INTS1: variants seen among roughly 807,000 people sequenced by gnomAD.
INTS1 encodes integrator complex subunit 1.
Under a neutral mutation model 241.6 loss-of-function variants are expected in INTS1, and 137 were observed. The ratio of observed to expected loss-of-function variants is 0.57; its 90% CI spans 0.49 to 0.65. The LOEUF (loss-of-function observed/expected upper bound fraction) is 0.65. Among genes scored for constraint, INTS1 ranks in the 30% least tolerant of loss-of-function variants. The pLI, the probability that INTS1 is intolerant of heterozygous loss-of-function variation, is 0.00. For missense variants in INTS1, 3,073 were observed against 3,032.2 expected (o/e 1.01, Z -0.32); for synonymous variants, 1,692 against 1,337.8 (o/e 1.26, Z -5.78).
chr7:1,495,306 G>C, intron 13 of INTS1, 127 bp downstream of exon 13: 2 of 1,162,228 alleles, frequency 1.7e-6, no homozygotes, highest in Non-Finnish European at 2.4e-6. Context: ...TGGGGTGTGG[G>C]GCAGGGGCTG....
At position 1,497,993 on chromosome 7, in the gene INTS1, C is replaced by T. The variant is rs540437382; in HGVS notation, c.1425+419G>A. On this transcript the variant is annotated intron_variant, in intron 10 of 47. Coordinates refer to ENST00000404767, the MANE Select transcript of INTS1 (RefSeq NM_001080453.3). The surrounding 1 kb of genome is among the most constrained non-coding windows in gnomAD (Gnocchi z 5.3). The stretch of plus-strand genomic sequence containing the variant: ...CTTTGGGAGGTTGAGGCAGGAGGAT[C>T]GCTTGAGCCCAGGAGTTTGAGACCA... 5.3e-5 allele frequency among the ~76,000 whole-genome samples: 8 copies of T among 152,348 alleles called. No homozygotes were observed. The highest frequency in any genetic ancestry group is 1.3e-4 in the Admixed American group (2 of 15,314).
At chr7:1,491,906 C>CA (rs1186567056) in intron 16 of INTS1, among the ~76,000 whole-genome samples, 3 of 152,170 alleles carry the variant, frequency 2.0e-5, no homozygotes, top group South Asian at 2.1e-4. Context: ...CCGTTCCCCA[C>CA]AAAAAACGGA....
rs534699030 is a variant in INTS1 at position 1,478,033 on chromosome 7, T to A, written c.4631-97A>T. On this transcript the variant is annotated intron_variant, in intron 33 of 47. Coordinates refer to ENST00000404767, the MANE Select transcript of INTS1 (RefSeq NM_001080453.3). ...GCCAGGGTGGGGTGTGGGGTGAGCA[T>A]GTGTGGGACACAAGAGCAGAGTCCA... 1.4e-4 allele frequency: 142 copies of A among 1,011,990 alleles called. 2 individuals are homozygous for A. The South Asian group carries it at 2.0e-3, about 14-fold the overall frequency. The allele number at this position is 1,011,990 out of a possible 1,614,324, so 62.7% of individuals were successfully genotyped here. A position where few individuals can be genotyped will look rare whatever the true frequency, so the allele number is the denominator to read the frequency against.
At chr7:1,485,545 G>A (rs773646429) in intron 22 of INTS1, 76 bp from the exon 23 acceptor site, 17 of 1,456,788 alleles carry the variant, frequency 1.2e-5, no homozygotes, top group African/African-American at 5.6e-5. Flanking sequence ...GGGAGCACAC[G>A]CATGGTGCCC....
In INTS1 at chr7:1,476,646, G is replaced by C. The variant is rs1471031717; in HGVS notation, c.5075C>G (p.Ser1692Cys). Residue 1692 changes from serine to cysteine, a missense_variant, in exon 37 of 48, where the codon TCT becomes TGT. Transcript: ENST00000404767. ...GGCCCAGAGGAAGTCCAGAGAGGCAGAGGGGTCGAACCTGTGGGGAGGCAA... is the reference window on the plus strand; with the variant it reads ...GGCCCAGAGGAAGTCCAGAGAGGCACAGGGGTCGAACCTGTGGGGAGGCAA... ...GKSREQRFDP[S>C]ASLDFLWACI... 6.2e-7 allele frequency: 1 copy of C among 1,612,720 alleles called. No individual in the cohort carries two copies. Among genetic ancestry groups the C allele is most frequent in the Admixed American group, 1.7e-5 (1 of 60,032 alleles).
At position 1,471,592 on chromosome 7, in the gene INTS1, G is replaced by A. The variant is rs766880476; in HGVS notation, c.6234C>T (p.Pro2078=). ...SDIDEMSRRR[P]EILSFFSTNL... ...TCACCGAGAAGAAGCTCAGGATCTC[G>A]GGTCTCCGCCGGGACATCTCGTCTA... The change falls in exon 45 of 48, where the codon CCC becomes CCT. Residue 2078 remains proline (P), a synonymous_variant. Transcript: ENST00000404767. 1.4e-5 allele frequency: 22 copies of A among 1,612,244 alleles called. No individual in the cohort carries two copies. Among genetic ancestry groups the A allele is most frequent in the African/African-American group, 5.3e-5 (4 of 74,924 alleles).
intron 18 of INTS1, among the ~76,000 whole-genome samples, chr7:1,488,917 G>T (rs1366603593): frequency 1.3e-5 from 2 of 152,140 alleles, no homozygotes; most frequent in Non-Finnish European, 2.9e-5. Context: ...TCCCACGCAG[G>T]GTCACACCTG....
At chr7:1,478,997 T>G in intron 31 of INTS1, 112 bp from the exon 32 acceptor site, 2 of 1,271,864 alleles carry the variant, frequency 1.6e-6, no homozygotes, top group Non-Finnish European at 2.1e-6. Context: ...CGACCGGCAC[T>G]TGGAGCCTGG....
rs1439454240 is a variant in INTS1, at chr7:1,476,385, G to A, written c.5222C>T (p.Ala1741Val). The change falls in exon 38 of 48, where the codon GCC becomes GTC. Residue 1741 changes from alanine to valine, a missense_variant. By Grantham distance (64) the Ala-to-Val change is moderately conservative. Transcript: ENST00000404767. ...ELISLVELIL[A>V]EAETRSQDGD... ...GTCCTGGCTCCGCGTCTCCGCCTCGGCCAGGATCAGCTCCACCAGGCTGAT... is the reference window on the plus strand; with the variant it reads ...GTCCTGGCTCCGCGTCTCCGCCTCGACCAGGATCAGCTCCACCAGGCTGAT... 6.3e-7 allele frequency: 1 copy of A among 1,576,784 alleles called. No individual in the cohort carries two copies. Among genetic ancestry groups the A allele is most frequent in the Non-Finnish European group, 8.6e-7 (1 of 1,166,662 alleles).
Position 1,498,959 on chromosome 7 carries a change from CGG to C in INTS1, c.1137+14_1137+15del. The C allele has an allele frequency of 6.7e-7, 1 of 1,487,792 alleles. No individual in the cohort carries two copies. Among genetic ancestry groups the C allele is most frequent in the Non-Finnish European group, 8.9e-7 (1 of 1,118,766 alleles). 92.2% of individuals were successfully genotyped at this position (1,487,792 alleles called of 1,614,324 possible). On this transcript the variant is annotated intron_variant, in intron 8 of 47. Coordinates refer to ENST00000404767, the MANE Select transcript of INTS1 (RefSeq NM_001080453.3). ...CCACCCCCTGCCCCGCCCACCCCCCCGGGGCGCCCCCGCACCTTGGGGTTCTG... is the reference window on the plus strand; with the variant it reads ...CCACCCCCTGCCCCGCCCACCCCCCCGGCGCCCCCGCACCTTGGGGTTCTG...
chr7:1,498,952 A>AC (rs1350335837), intron 8 of INTS1, 23 bp downstream of exon 8: 25 of 979,058 alleles, frequency 2.6e-5, no homozygotes, highest in South Asian at 8.3e-5. Context: ...TGCCCCGCCC[A>AC]CCCCCCCGGG....
chr7:1,476,896 G>A lies in INTS1; in HGVS notation c.4961C>T (p.Pro1654Leu). 6.2e-7 allele frequency: 1 copy of A among 1,611,892 alleles called. No homozygotes were observed. ...GGTCAGGAGGTAGGGACGGAACGAG[G>A]GCACCTGGGCCTGACCTTTGCCCTG... Reference protein sequence around the residue: ...RRKGKGQAQVPSFRPYLLTLF... With the variant: ...RRKGKGQAQVLSFRPYLLTLF... The change falls in exon 36 of 48, where the codon CCC (proline) becomes CTC (leucine). Residue 1654 changes from proline (P) to leucine (L), a missense_variant. Physicochemically the swap from Pro to Leu is moderately conservative, Grantham distance 98 (BLOSUM62 -3). Transcript: ENST00000404767.
rs988987079 is a variant in INTS1, at chr7:1,497,726, G to C, written c.1426-412C>G. Among the ~76,000 whole-genome samples the C allele has an allele frequency of 6.6e-6, 1 of 152,238 alleles. No individual in the cohort carries two copies. The highest frequency in any genetic ancestry group is 1.5e-5 in the Non-Finnish European group (1 of 68,036). On this transcript the variant is annotated intron_variant, in intron 10 of 47. Coordinates refer to ENST00000404767, the MANE Select transcript of INTS1 (RefSeq NM_001080453.3). This position sits in a 1 kb window ranked among gnomAD's most constrained non-coding sequence, Gnocchi z 5.3. The stretch of plus-strand genomic sequence containing the variant: ...CTCCTGTCTCAAAATGCCAGGCCGC[G>C]AAGACTGAACGCGGAGCTGAGAGCG...
rs776239991 is a variant in INTS1, at chr7:1,478,432, G to A, written c.4564C>T (p.Arg1522Cys). ...GACCTCAGGGTGGCGATGACGGCAC[G>A]GACGGTGGAGCTGACCACCTCCAGG... ...QDLEVVSSTV[R>C]AVIATLRSGE... is the part of the protein sequence containing the mutation. The change falls in exon 33 of 48, where the codon CGT becomes TGT. Residue 1522 changes from arginine to cysteine, a missense_variant. By Grantham distance (180) the Arg-to-Cys change is radical (BLOSUM62 -3). Transcript: ENST00000404767. 1.8e-5 allele frequency: 29 copies of A among 1,612,470 alleles called. No homozygotes were observed. Among genetic ancestry groups the A allele is most frequent in the Middle Eastern group, 1.7e-4 (1 of 6,060 alleles).
chr7:1,483,179 G>A (rs935427129), intron 26 of INTS1: 16 of 214,030 alleles, frequency 7.5e-5, no homozygotes, highest in Non-Finnish European at 1.1e-4. Context: ...CCAGCATGAG[G>A]GTTCCGCCCC....
chr7:1,482,762 A>C, intron 26 of INTS1, 55 bp from the exon 27 acceptor site: 1 of 1,587,886 alleles, frequency 6.3e-7, no homozygotes, highest in East Asian at 2.2e-5. Context: ...CCCAGCCCCA[A>C]GCACCGCTGG....
intron 10 of INTS1, among the ~76,000 whole-genome samples, chr7:1,498,077 C>T (rs1425833348): frequency 6.6e-6 from 1 of 152,102 alleles, no homozygotes; most frequent in Non-Finnish European, 1.5e-5. Flanking sequence ...ACCTTACTAT[C>T]CAAAGGCAGG....
At chr7:1,501,423 C>T (rs1783175846) in intron 3 of INTS1, 1 of 152,200 alleles carries the variant, frequency 6.6e-6, no homozygotes. Flanking sequence ...CCGAGACAAG[C>T]TGGGGGACAA....
In INTS1 at chr7:1,499,133, C is replaced by T. The variant is rs1562521011; in HGVS notation, c.979G>A (p.Glu327Lys). 1.2e-6 allele frequency: 2 copies of T among 1,611,172 alleles called. No individual in the cohort carries two copies. The highest frequency in any genetic ancestry group is 2.2e-5 in the East Asian group (1 of 44,820). Residue 327 changes from glutamate (E) to lysine (K), a missense_variant, in exon 8 of 48, where the codon GAG becomes AAG. By Grantham distance (56) the Glu-to-Lys change is moderately conservative (BLOSUM62 1). Coordinates refer to ENST00000404767, the MANE Select transcript of INTS1 (RefSeq NM_001080453.3). Reference protein sequence around the residue: ...RYEELAESVEEYVLDMLRDQL... With the variant: ...RYEELAESVEKYVLDMLRDQL... The stretch of plus-strand genomic sequence containing the variant: ...TCCCGCAGCATGTCCAGGACATACT[C>T]CTCCACGCTCTCCGCGAGCTCTTCG...
Sources: allele counts gnomAD v4.1 joint callset (sites outside exome capture counted in the v4.1 genomes callset), GRCh38; gene constraint gnomAD v4.1.1; non-coding constraint Gnocchi (gnomAD v3.1); transcripts MANE v1.5; gene names NCBI Gene and HGNC (gene_info 2026-07-23, HGNC 2026-07-21).